Variants in CHN2 observed in about 807,000 individuals in gnomAD.
CHN2 encodes beta-chimaerin.
A neutral mutation model predicts 56.3 loss-of-function variants in CHN2; 35 were observed. The ratio of observed to expected loss-of-function variants is 0.62; its 90% confidence interval spans 0.47 to 0.82. The LOEUF is 0.82. CHN2 is among the 40% of genes least tolerant of loss of function. The probability of loss-of-function intolerance (pLI) is 0.00; values close to 1 mark genes in which losing one functional copy is unlikely to be tolerated. For missense variants in CHN2, 491 were observed against 580.5 expected, an observed-to-expected ratio of 0.85 and a Z score of 1.58; for synonymous variants, 210 against 212.8, an observed-to-expected ratio of 0.99 and a Z score of 0.12.
intron 6 of CHN2, among the ~76,000 whole-genome samples, chr7:29,427,986 G>A (rs1355905937): frequency 6.6e-6 from 1 of 152,132 alleles, no homozygotes; most frequent in East Asian, 1.9e-4. Context: ...GACATGTTTG[G>A]AATAGGTGGT....
At position 29,257,918 on chromosome 7, in the gene CHN2, G is replaced by A. The variant is rs1789205369; in HGVS notation, c.49+62928G>A. Among the ~76,000 whole-genome samples the A allele has an allele frequency of 2.0e-5, 3 of 152,068 alleles. No individual in the cohort carries two copies. In the South Asian group the frequency reaches 6.2e-4, roughly 32 times the overall value. On this transcript the variant is annotated intron_variant, in intron 1 of 12. Transcript: ENST00000222792. ...TCCTCCCACCTTAGCCTCCAGAGTA[G>A]CTGGGACTACAGGCACGTGCCACCA...
chr7:29,479,026 C>T (rs890676191), intron 6 of CHN2, among the ~76,000 whole-genome samples: 2 of 152,094 alleles, frequency 1.3e-5, no homozygotes, highest in African/African-American at 4.8e-5. Context: ...ACATAAAGGC[C>T]CAGTTATCTA....
At chr7:29,335,606 A>G (rs2128908251) in intron 1 of CHN2, 1 of 152,340 alleles carries the variant, frequency 6.6e-6, no homozygotes, top group Non-Finnish European at 1.5e-5. Context: ...ACTAGTTGGT[A>G]GTCTGTACTA....
rs1221652828 is a variant in CHN2, at chr7:29,480,033, T to C, written c.577-246T>C. The C allele has an allele frequency of 5.2e-6, 8 of 1,528,386 alleles. No homozygotes were observed. In the East Asian group the frequency reaches 1.5e-4, roughly 28 times the overall value. The allele number at this position is 1,528,386 out of a possible 1,614,324, so 94.7% of individuals were successfully genotyped here. ...CTCAAATCTGCCGCCTAACATAAGC[T>C]GCGGTTCGAAAATCCTGACAGCACA... On this transcript the variant is annotated intron_variant, in intron 6 of 12. Coordinates refer to ENST00000222792, the MANE Select transcript of CHN2 (RefSeq NM_004067.4).
chr7:29,168,300 A>G (rs1413906092), intron 2 of CHN2, among the ~76,000 whole-genome samples: 2 of 151,996 alleles, frequency 1.3e-5, no homozygotes, highest in Non-Finnish European at 2.9e-5. Flanking sequence ...GACATTTTGG[A>G]TTCTCATCTT....
rs1053044939 is a variant in CHN2, at chr7:29,495,734, G to A, written c.655-218G>A. Among the ~76,000 whole-genome samples, 7 of 152,130 alleles carry A rather than the reference G, an allele frequency of 4.6e-5. No homozygotes were observed. The East Asian group carries it at 7.7e-4, about 17-fold the overall frequency. On this transcript the variant is annotated intron_variant, in intron 7 of 12. Coordinates refer to ENST00000222792, the MANE Select transcript of CHN2 (RefSeq NM_004067.4). Reference sequence around the variant, plus strand: ...CATGGCCTATAATCTGTTTCTCCACGTTCCTTTCTGACTCTGTCCTGGGGC... The same window carrying A: ...CATGGCCTATAATCTGTTTCTCCACATTCCTTTCTGACTCTGTCCTGGGGC...
chr7:29,275,741 A>T (rs39104), intron 1 of CHN2, among the ~76,000 whole-genome samples: 2 of 151,848 alleles, frequency 1.3e-5, no homozygotes, highest in African/African-American at 4.8e-5. Context: ...CTCAGGTTGC[A>T]CATGGCTGGG....
intron 1 of CHN2, among the ~76,000 whole-genome samples, chr7:29,278,248 A>G (rs971365574): frequency 6.6e-6 from 1 of 152,168 alleles, no homozygotes; most frequent in African/African-American, 2.4e-5. Context: ...TCTGATTTCA[A>G]TTGATCTGAG....
intron 3 of CHN2, among the ~76,000 whole-genome samples, chr7:29,371,208 G>T (rs1259026842): frequency 6.6e-6 from 1 of 152,132 alleles, no homozygotes; most frequent in Non-Finnish European, 1.5e-5. Context: ...TGAATGTAAG[G>T]GTAAGAGGCA....
At chr7:29,452,991 A>T (rs1784508716) in intron 6 of CHN2, among the ~76,000 whole-genome samples, 1 of 152,248 alleles carries the variant, frequency 6.6e-6, no homozygotes, top group Admixed American at 6.5e-5. Context: ...TTGAGGGTCT[A>T]ACAAATTTAT....
intron 2 of CHN2, chr7:29,147,193 G>A (rs1264087804): frequency 1.8e-6 from 1 of 558,114 alleles, no homozygotes; most frequent in Non-Finnish European, 3.1e-6. Context: ...ACGGGAGCAA[G>A]AACTAAAAAA....
At chr7:29,228,034 ATT>A (rs1002572517) in intron 1 of CHN2, among the ~76,000 whole-genome samples, 1 of 151,848 alleles carries the variant, frequency 6.6e-6, no homozygotes, top group Non-Finnish European at 1.5e-5. Context: ...AGCCCTATAT[ATT>A]TTCTGAGTTC....
At chr7:29,401,037 G>A in intron 6 of CHN2, 1 of 564,772 alleles carries the variant, frequency 1.8e-6, no homozygotes, top group East Asian at 3.0e-5. Flanking sequence ...GGGAGGCCGA[G>A]GCAGGTGGAT....
intron 2 of CHN2, among the ~76,000 whole-genome samples, chr7:29,170,327 C>T (rs1265109042): frequency 6.6e-6 from 1 of 152,158 alleles, no homozygotes; most frequent in African/African-American, 2.4e-5. Flanking sequence ...TCTTCAAACA[C>T]AAGATTTTAA....
chr7:29,390,532 T>A (rs2128071056), intron 3 of CHN2, among the ~76,000 whole-genome samples: 1 of 152,334 alleles, frequency 6.6e-6, no homozygotes, highest in South Asian at 2.1e-4. Context: ...CTGCCTAAAT[T>A]TTTTTATTAA....
chr7:29,495,259 C>T (rs970033242), intron 7 of CHN2, among the ~76,000 whole-genome samples: 1 of 152,180 alleles, frequency 6.6e-6, no homozygotes, highest in African/African-American at 2.4e-5. Flanking sequence ...ACCATCCTTA[C>T]TTTGTGATAT....
chr7:29,329,271 T>A (rs76718182), intron 1 of CHN2, among the ~76,000 whole-genome samples: 3,243 of 143,296 alleles, frequency 0.023, 52 homozygotes, highest in Middle Eastern at 0.083. Flanking sequence ...TACAGTGAAA[T>A]GAAATAGTAG....
intron 6 of CHN2, among the ~76,000 whole-genome samples, chr7:29,423,040 C>G (rs965282281): frequency 6.6e-6 from 1 of 152,176 alleles, no homozygotes; most frequent in African/African-American, 2.4e-5. Flanking sequence ...TTGGCCTGTT[C>G]GTACCAAACC....
At chr7:29,363,401 C>T (rs532069435) in intron 2 of CHN2, among the ~76,000 whole-genome samples, 1 of 152,302 alleles carries the variant, frequency 6.6e-6, no homozygotes, top group Admixed American at 6.5e-5. Context: ...AGGAGAATTG[C>T]TTGAATCCAG....
Sources: allele counts gnomAD v4.1 joint callset (sites outside exome capture counted in the v4.1 genomes callset), GRCh38; gene constraint gnomAD v4.1.1; transcripts MANE v1.5; gene names NCBI Gene and HGNC (gene_info 2026-07-23, HGNC 2026-07-21).